VWF: variants seen among roughly 807,000 people sequenced by gnomAD.
VWF encodes von Willebrand factor.
VWF carries 176 observed loss-of-function variants against 308.6 expected under a neutral mutation model. That is an observed-to-expected ratio of 0.57 (90% CI 0.50 to 0.65). The LOEUF is 0.65. Among genes scored for constraint, VWF ranks in the 30% least tolerant of loss-of-function variants. The pLI is 0.00. For synonymous variants in VWF, 1,385 were observed against 1,443.4 expected, an observed-to-expected ratio of 0.96 and a Z score of 0.92; for missense variants, 3,146 against 3,648.2, an observed-to-expected ratio of 0.86 and a Z score of 3.55.
chr12:6,063,177 A>C lies in VWF; in HGVS notation c.1433-123T>G. Reference sequence around the variant, plus strand: ...TGGTAGCACTGAAGAGCAATGACTTAGGGGCAGATGGGGTGGCCATGAGGT... The same window carrying C: ...TGGTAGCACTGAAGAGCAATGACTTCGGGGCAGATGGGGTGGCCATGAGGT... On this transcript the variant is annotated intron_variant, in intron 12 of 51. Coordinates refer to ENST00000261405, the MANE Select transcript of VWF (RefSeq NM_000552.5). This position sits in a 1 kb window ranked among gnomAD's most constrained non-coding sequence, Gnocchi z 4.9. 3.7e-6 allele frequency: 3 copies of C among 817,618 alleles called. No individual in the cohort carries two copies. Among genetic ancestry groups the C allele is most frequent in the Non-Finnish European group, 6.1e-6 (3 of 491,946 alleles). 50.6% of individuals were successfully genotyped at this position (817,618 alleles called of 1,614,324 possible).
chr12:6,089,893 A>G (rs1271515551), intron 6 of VWF, among the ~76,000 whole-genome samples: 1 of 152,078 alleles, frequency 6.6e-6, no homozygotes, highest in Non-Finnish European at 1.5e-5. Context: ...AGGGTGACCC[A>G]CCTGCCAACA....
At chr12:6,101,113 C>G (rs61697264) in intron 5 of VWF, among the ~76,000 whole-genome samples, 13,825 of 152,082 alleles carry the variant, frequency 0.091, 1,262 homozygotes, top group African/African-American at 0.24. Flanking sequence ...ATGAAATGAA[C>G]AGAAACCTCT....
chr12:6,093,993 G>T (rs1351887879), intron 6 of VWF, among the ~76,000 whole-genome samples: 1 of 152,128 alleles, frequency 6.6e-6, no homozygotes, highest in African/African-American at 2.4e-5. Context: ...GCCTTGTCAG[G>T]GTTGGCAGGC....
At position 6,046,889 on chromosome 12, in the gene VWF, C is replaced by T; in HGVS notation, c.2187-72G>A. The T allele has an allele frequency of 7.2e-7, 1 of 1,379,784 alleles. No individual in the cohort carries two copies. Among genetic ancestry groups the T allele is most frequent in the Non-Finnish European group, 1.0e-6 (1 of 985,126 alleles). The allele number at this position is 1,379,784 out of a possible 1,614,324, so 85.5% of individuals were successfully genotyped here. On this transcript the variant is annotated intron_variant, in intron 16 of 51. Coordinates refer to ENST00000261405, the MANE Select transcript of VWF (RefSeq NM_000552.5). The surrounding 1 kb of genome is among the most constrained non-coding windows in gnomAD (Gnocchi z 5.0). ...CTCGCTGCCTCCACATCTTCACCTC[C>T]CACTCACTCTCTGCCCCTTCCAACC... is the stretch of plus-strand genomic sequence containing the variant.
chr12:5,985,264 G>T (rs1943666118), intron 39 of VWF, 145 bp from the exon 40 acceptor site: 2 of 855,312 alleles, frequency 2.3e-6, no homozygotes, highest in East Asian at 5.2e-5. Context: ...ACCTCTGACA[G>T]ATGAGTGTCC....
intron 34 of VWF, among the ~76,000 whole-genome samples, chr12:6,010,108 T>C (rs1368083275): frequency 6.6e-6 from 1 of 152,148 alleles, no homozygotes; most frequent in African/African-American, 2.4e-5. Context: ...AATTTATTAA[T>C]AGGGTAGATC....
In VWF at chr12:6,057,171, T is replaced by A. The variant is rs1030102570; in HGVS notation, c.1730-99A>T. The A allele has an allele frequency of 5.3e-6, 6 of 1,134,676 alleles. No homozygotes were observed. The African/African-American group carries it at 7.9e-5, about 15-fold the overall frequency. 70.3% of individuals were successfully genotyped at this position (1,134,676 alleles called of 1,614,324 possible). On this transcript the variant is annotated intron_variant, in intron 14 of 51. Coordinates refer to ENST00000261405, the MANE Select transcript of VWF (RefSeq NM_000552.5). ...CCTGGAAATAGCCCAGTGCTGCTAATAGAGGGCTGCAAGGTCACGCAGAGA... is the reference window on the plus strand; with the variant it reads ...CCTGGAAATAGCCCAGTGCTGCTAAAAGAGGGCTGCAAGGTCACGCAGAGA...
intron 6 of VWF, among the ~76,000 whole-genome samples, chr12:6,079,224 T>G (rs1306064384): frequency 6.6e-6 from 1 of 152,098 alleles, no homozygotes; most frequent in Non-Finnish European, 1.5e-5. Context: ...CATGGCATGT[T>G]TAGGTGGCTA....
chr12:5,992,115 C>G (rs1943752177), intron 37 of VWF, 97 bp from the exon 38 acceptor site: 1 of 1,219,138 alleles, frequency 8.2e-7, no homozygotes, highest in Non-Finnish European at 1.2e-6. Flanking sequence ...GACAAACTTG[C>G]CAGGGCAGAG....
At position 5,952,495 on chromosome 12, in the gene VWF, A is replaced by C; in HGVS notation, c.8011T>G (p.Cys2671Gly). 2 of 1,614,092 alleles carry C rather than the reference A, an allele frequency of 1.2e-6. No homozygotes were observed. The highest frequency in any genetic ancestry group is 1.7e-6 in the Non-Finnish European group (2 of 1,179,952). The change falls in exon 49 of 52, where the codon TGT (cysteine) becomes GGT (glycine). Residue 2671 changes from cysteine to glycine, a missense_variant. Around this residue, in one of 3 missense-constraint regions of VWF, gnomAD observed 989 missense variants for 1,117.4 expected, o/e 0.89. Coordinates refer to ENST00000261405, the MANE Select transcript of VWF (RefSeq NM_000552.5). Reference sequence around the variant, plus strand: ...TTGACCTTGCAGAAGTGAGTATCACAGCCATCCTGGAGCGTCTCATCACGC... The same window carrying C: ...TTGACCTTGCAGAAGTGAGTATCACCGCCATCCTGGAGCGTCTCATCACGC... ...LKRDETLQDG[C>G]DTHFCKVNER...
intron 19 of VWF, among the ~76,000 whole-genome samples, 171 bp from the exon 20 acceptor site, chr12:6,034,997 G>GCA: frequency 6.6e-6 from 1 of 152,152 alleles, no homozygotes. Context: ...CATAGGCCCA[G>GCA]TATGGTGCCC....
At chr12:6,123,656 T>G (rs1355750632) in intron 1 of VWF, among the ~76,000 whole-genome samples, 1 of 152,186 alleles carries the variant, frequency 6.6e-6, no homozygotes, top group Non-Finnish European at 1.5e-5. Flanking sequence ...CTTGACGGTT[T>G]GCTTGTTGGC....
At chr12:6,070,478 C>A (rs1475273571) in intron 10 of VWF, among the ~76,000 whole-genome samples, 1 of 152,220 alleles carries the variant, frequency 6.6e-6, no homozygotes, top group Admixed American at 6.5e-5. Context: ...TGAGTTCAAG[C>A]CCTGGCTCTG....
chr12:6,033,439 G>A (rs2136429268), intron 20 of VWF, among the ~76,000 whole-genome samples: 1 of 152,364 alleles, frequency 6.6e-6, no homozygotes, highest in South Asian at 2.1e-4. Context: ...AGCAGCAGAT[G>A]CTGACCAGCT....
intron 38 of VWF, among the ~76,000 whole-genome samples, chr12:5,989,362 A>T (rs1225699252): frequency 6.7e-6 from 1 of 149,604 alleles, no homozygotes. Context: ...TTTTCAGTTT[A>T]AAAAAAAAAG....
intron 5 of VWF, 142 bp from the exon 6 acceptor site, chr12:6,095,726 G>A (rs1268107377): frequency 2.6e-6 from 3 of 1,171,954 alleles, no homozygotes; most frequent in Non-Finnish European, 3.7e-6. Context: ...ATGTTTCCCA[G>A]GCTGGAGTGC....
intron 40 of VWF, among the ~76,000 whole-genome samples, chr12:5,983,902 T>C (rs1263546146): frequency 6.6e-6 from 1 of 150,966 alleles, no homozygotes; most frequent in Non-Finnish European, 1.5e-5. Context: ...AGAGACAGGA[T>C]AGATGATAAA....
intron 22 of VWF, among the ~76,000 whole-genome samples, chr12:6,026,976 T>C (rs1426191770): frequency 6.6e-6 from 1 of 152,038 alleles, no homozygotes; most frequent in Non-Finnish European, 1.5e-5. Flanking sequence ...AAAGGTGCTA[T>C]ACTTTTACAA....
chr12:6,036,592 G>A, intron 18 of VWF, 101 bp from the exon 19 acceptor site: 1 of 1,118,990 alleles, frequency 8.9e-7, no homozygotes, highest in South Asian at 1.3e-5. Context: ...TGAGCCTACG[G>A]GTAAGCCCAG....
Sources: allele counts gnomAD v4.1 joint callset (sites outside exome capture counted in the v4.1 genomes callset), GRCh38; gene constraint gnomAD v4.1.1; regional missense constraint gnomAD v4.1.1; non-coding constraint Gnocchi (gnomAD v3.1); transcripts MANE v1.5; gene names NCBI Gene and HGNC (gene_info 2026-07-23, HGNC 2026-07-21).